PAFAH2: variants seen among roughly 807,000 people sequenced by gnomAD.
The protein encoded by PAFAH2 is platelet activating factor acetylhydrolase 2.
A neutral mutation model predicts 49.0 loss-of-function variants in PAFAH2; 42 were observed. The ratio of observed to expected loss-of-function variants is 0.86; its 90% CI spans 0.67 to 1.11. The LOEUF (loss-of-function observed/expected upper bound fraction) is 1.11. Ranked by LOEUF, PAFAH2 falls within the 50% of genes least tolerant of loss-of-function variation. The pLI is 0.00. For missense variants in PAFAH2, 503 were observed against 501.8 expected (o/e 1.00, Z -0.02); for synonymous variants, 184 against 181.3 (o/e 1.01, Z -0.12).
intron 8 of PAFAH2, among the ~76,000 whole-genome samples, chr1:25,974,962 T>C (rs2049567515): frequency 6.6e-6 from 1 of 152,192 alleles, no homozygotes; most frequent in South Asian, 2.1e-4. Flanking sequence ...ATTCATTCAT[T>C]CAACATTCAT....
chr1:25,962,144 C>T, intron 10 of PAFAH2, 61 bp from the exon 11 acceptor site: 2 of 1,382,290 alleles, frequency 1.4e-6, no homozygotes, highest in South Asian at 1.2e-5. Context: ...CAAAGAGTAG[C>T]TGACATGCAT....
chr1:25,965,103 A>T (rs992514577), intron 10 of PAFAH2, among the ~76,000 whole-genome samples: 1 of 152,204 alleles, frequency 6.6e-6, no homozygotes, highest in Non-Finnish European at 1.5e-5. Context: ...CCAGAAATAA[A>T]GCCCCCATAC....
chr1:25,974,154 C>T (rs2049551621), intron 9 of PAFAH2, among the ~76,000 whole-genome samples: 1 of 152,116 alleles, frequency 6.6e-6, no homozygotes, highest in Admixed American at 6.6e-5. Context: ...AATAAAATTC[C>T]CAAATGAGGC....
intron 4 of PAFAH2, among the ~76,000 whole-genome samples, chr1:25,987,455 G>A (rs961186157): frequency 2.0e-5 from 3 of 151,930 alleles, no homozygotes; most frequent in African/African-American, 7.3e-5. Context: ...CATGGGGCCG[G>A]GCGCAGTGGC....
At chr1:25,979,442 A>T (rs298446) in intron 7 of PAFAH2, among the ~76,000 whole-genome samples, 119,788 of 151,702 alleles carry the variant, frequency 0.79, 48,231 homozygotes, top group East Asian at 0.92. Flanking sequence ...GTGCTTCAGC[A>T]TCCCGAGTAC....
intron 4 of PAFAH2, among the ~76,000 whole-genome samples, chr1:25,984,845 C>CTTTTTTTTTTTT (rs34522205): frequency 1.9e-5 from 2 of 104,286 alleles, no homozygotes; most frequent in African/African-American, 3.6e-5. Context: ...AGAGAGATTT[C>CTTTTTTTTTTTT]TTTTTTTTTT....
At chr1:25,963,654 C>T (rs570363074) in intron 10 of PAFAH2, among the ~76,000 whole-genome samples, 1 of 152,326 alleles carries the variant, frequency 6.6e-6, no homozygotes, top group South Asian at 2.1e-4. Context: ...CAGGCATGCA[C>T]CACCACACCC....
In PAFAH2 at chr1:25,990,766, G is replaced by A. The variant is rs377030485; in HGVS notation, c.51C>T (p.Leu17=). ...CCTCCATCACATCCCCACAGCCTACGAGGTGGGGTCCTGTGACAGGTGGAA... is the reference window on the plus strand; with the variant it reads ...CCTCCATCACATCCCCACAGCCTACAAGGTGGGGTCCTGTGACAGGTGGAA... ...VGFPPVTGPH[L]VGCGDVMEGQ... The change falls in exon 2 of 11, where the codon CTC becomes CTT. Residue 17 remains leucine (L), a synonymous_variant. Transcript: ENST00000374282. The A allele has an allele frequency of 6.2e-6, 10 of 1,614,026 alleles. No homozygotes were observed. Among genetic ancestry groups the A allele is most frequent in the South Asian group, 4.4e-5 (4 of 91,052 alleles).
intron 10 of PAFAH2, 151 bp downstream of exon 10, chr1:25,972,407 C>A: frequency 1.1e-6 from 1 of 890,508 alleles, no homozygotes; most frequent in Non-Finnish European, 1.7e-6. Flanking sequence ...CTTGTTTTTT[C>A]TGTAATTCTA....
intron 6 of PAFAH2, among the ~76,000 whole-genome samples, chr1:25,982,745 T>A (rs1202022357): frequency 6.6e-6 from 1 of 152,194 alleles, no homozygotes; most frequent in Non-Finnish European, 1.5e-5. Flanking sequence ...ATGATGTACA[T>A]GAAAGCATTT....
intron 1 of PAFAH2, 52 bp from the exon 2 acceptor site, chr1:25,990,915 C>T: frequency 1.1e-6 from 1 of 892,688 alleles, no homozygotes; most frequent in Non-Finnish European, 1.8e-6. Flanking sequence ...CTCTCGGCTT[C>T]CTGTTGCTGA....
chr1:25,966,963 C>A (rs1383390808), intron 10 of PAFAH2, among the ~76,000 whole-genome samples: 1 of 139,926 alleles, frequency 7.1e-6, no homozygotes, highest in East Asian at 2.4e-4. Context: ...ACCTGGGAGG[C>A]GGAGCTTGCA....
At position 25,984,069 on chromosome 1, in the gene PAFAH2, G is replaced by A. The variant is rs1557525826; in HGVS notation, c.429C>T (p.Thr143=). 1 of 1,613,912 alleles carries A rather than the reference G, an allele frequency of 6.2e-7. No homozygotes were observed. Among genetic ancestry groups the A allele is most frequent in the Non-Finnish European group, 8.5e-7 (1 of 1,179,966 alleles). Residue 143 remains threonine, a synonymous_variant, in exon 6 of 11, where the codon ACC becomes ACT. Coordinates refer to ENST00000374282, the MANE Select transcript of PAFAH2 (RefSeq NM_000437.4). ...CTGGGGCCTGCTTGCAGAAATAGGT[G>A]GTTGCCGCTGACCGGTCCCTGAAAT... is the stretch of plus-strand genomic sequence containing the variant. ...VPEHRDRSAA[T]TYFCKQAPEE... is the part of the protein sequence containing the mutation.
intron 2 of PAFAH2, among the ~76,000 whole-genome samples, chr1:25,990,457 A>T (rs145698172): frequency 7.3e-4 from 111 of 152,306 alleles, no homozygotes; most frequent in African/African-American, 2.6e-3. Flanking sequence ...GAAAGGTGAG[A>T]GGATCTGCGA....
chr1:25,992,657 C>T (rs2049892182), intron 1 of PAFAH2, among the ~76,000 whole-genome samples: 1 of 152,160 alleles, frequency 6.6e-6, no homozygotes, highest in African/African-American at 2.4e-5. Context: ...AGGCAATTTA[C>T]CCAATAACAT....
chr1:25,974,515 AC>A lies in PAFAH2; in HGVS notation c.893del (p.Cys298LeufsTer10), dbSNP rs763037911. ...MESVNLMKKI[C>X]AQHEQSRIIT... ...TGATCCTAGACTGTTCATGCTGGGC[AC>A]ATATCTTCTTCATCAAATTGACACT... On this transcript the variant is annotated frameshift_variant, in exon 9 of 11. Coordinates refer to ENST00000374282, the MANE Select transcript of PAFAH2 (RefSeq NM_000437.4). LOFTEE classifies it high-confidence loss of function. The A allele has an allele frequency of 3.9e-5, 63 of 1,614,136 alleles. 1 individual carries two copies. The African/African-American group carries it at 7.2e-4, about 18-fold the overall frequency.
chr1:25,962,639 C>T lies in PAFAH2; in HGVS notation c.1085-556G>A, dbSNP rs113392400. Reference sequence around the variant, plus strand: ...GGAGTTCCTAGACCAGCCTGGGCAACGTAGCAAGACCTCAACTCTACAAAA... The same window carrying T: ...GGAGTTCCTAGACCAGCCTGGGCAATGTAGCAAGACCTCAACTCTACAAAA... On this transcript the variant is annotated intron_variant, in intron 10 of 10. Coordinates refer to ENST00000374282, the MANE Select transcript of PAFAH2 (RefSeq NM_000437.4). Among the ~76,000 whole-genome samples, 156 of 151,930 alleles carry T rather than the reference C, an allele frequency of 1.0e-3. 3 individuals carry two copies. The East Asian group carries it at 0.027, about 26-fold the overall frequency.
intron 1 of PAFAH2, among the ~76,000 whole-genome samples, chr1:25,991,750 G>A (rs903041786): frequency 1.3e-5 from 2 of 151,870 alleles, no homozygotes; most frequent in African/African-American, 2.4e-5. Context: ...AAAATTAGCC[G>A]GGTGCAGTGG....
At chr1:25,977,494 A>C (rs1423146450) in intron 7 of PAFAH2, among the ~76,000 whole-genome samples, 1 of 151,528 alleles carries the variant, frequency 6.6e-6, no homozygotes, top group Non-Finnish European at 1.5e-5. Flanking sequence ...TCTTTACAAA[A>C]AAGTACAAAA....
Sources: allele counts gnomAD v4.1 joint callset (sites outside exome capture counted in the v4.1 genomes callset), GRCh38; gene constraint gnomAD v4.1.1; transcripts MANE v1.5; gene names NCBI Gene and HGNC (gene_info 2026-07-23, HGNC 2026-07-21).